Variants in TTBK2 observed in about 807,000 individuals in gnomAD.
TTBK2 encodes tau-tubulin kinase 2.
In TTBK2, 28 loss-of-function variants were observed where a neutral mutation model predicts 110.8. The observed-to-expected ratio is 0.25, with a 90% CI of 0.19 to 0.35. The LOEUF is 0.35. TTBK2 is among the 10% of genes least tolerant of loss of function. TTBK2 has a pLI of 1.00. For missense variants in TTBK2, 1,369 were observed against 1,500.3 expected (o/e 0.91, Z 1.45); for synonymous variants, 532 against 527.3 (o/e 1.01, Z -0.12).
At chr15:42,772,717 T>C (rs1013865193) in intron 13 of TTBK2, among the ~76,000 whole-genome samples, 17 of 151,812 alleles carry the variant, frequency 1.1e-4, no homozygotes, top group Admixed American at 5.9e-4. Flanking sequence ...CAGGCTGAGG[T>C]AGGAGAATCT....
intron 7 of TTBK2, among the ~76,000 whole-genome samples, chr15:42,815,349 G>A (rs1891893871): frequency 6.6e-6 from 1 of 151,486 alleles, no homozygotes; most frequent in Admixed American, 6.6e-5. Flanking sequence ...TAGCATTTAA[G>A]ACCACAGTAT....
chr15:42,910,864 T>A (rs984516892), intron 1 of TTBK2, among the ~76,000 whole-genome samples: 1 of 151,822 alleles, frequency 6.6e-6, no homozygotes, highest in Non-Finnish European at 1.5e-5. Flanking sequence ...GCCAACATGG[T>A]GAAACCCTGT....
At chr15:42,770,822 T>C (rs933625618) in intron 13 of TTBK2, among the ~76,000 whole-genome samples, 2 of 152,172 alleles carry the variant, frequency 1.3e-5, no homozygotes, top group Non-Finnish European at 2.9e-5. Flanking sequence ...AGCACACCTC[T>C]ATTAATACAC....
At chr15:42,800,329 T>C (rs1337879776) in intron 9 of TTBK2, 3 of 436,196 alleles carry the variant, frequency 6.9e-6, no homozygotes, top group Non-Finnish European at 1.4e-5. Flanking sequence ...CTACCTAAAA[T>C]ACCCTTATTC....
intron 14 of TTBK2, among the ~76,000 whole-genome samples, chr15:42,749,753 G>A (rs563856933): frequency 6.6e-5 from 10 of 151,910 alleles, no homozygotes; most frequent in South Asian, 4.2e-4. Context: ...TCCCTTCTTC[G>A]GAGCCAGATA....
At chr15:42,891,510 A>G (rs1347455389) in intron 1 of TTBK2, among the ~76,000 whole-genome samples, 1 of 151,394 alleles carries the variant, frequency 6.6e-6, no homozygotes, top group Non-Finnish European at 1.5e-5. Flanking sequence ...TAAATCTTAA[A>G]TTCAGCTGGA....
intron 9 of TTBK2, among the ~76,000 whole-genome samples, chr15:42,808,474 T>C (rs981794643): frequency 6.6e-6 from 1 of 152,200 alleles, no homozygotes; most frequent in Non-Finnish European, 1.5e-5. Flanking sequence ...ATATTTAATA[T>C]GGATATGCTT....
In TTBK2 at chr15:42,745,493, CCTCAA is replaced by C; in HGVS notation, c.*297_*301del. On this transcript the variant is annotated 3_prime_UTR_variant, in exon 15 of 15. Transcript: ENST00000267890. ...CCTAAAATTCCATTCTATCTCCTAT[CCTCAA>C]CTCTTTTGTTTCAAAGGCAGCTTAA... 1 of 408,102 alleles carries C rather than the reference CCTCAA, an allele frequency of 2.5e-6. No homozygotes were observed. The highest frequency in any genetic ancestry group is 4.5e-6 in the Non-Finnish European group (1 of 220,588). The allele number at this position is 408,102 out of a possible 1,614,324, so 25.3% of individuals were successfully genotyped here. A position where few individuals can be genotyped will look rare whatever the true frequency, so the allele number is the denominator to read the frequency against.
chr15:42,746,376 T>C (rs1839688646), intron 14 of TTBK2, 119 bp from the exon 15 acceptor site: 1 of 783,950 alleles, frequency 1.3e-6, no homozygotes, highest in Admixed American at 2.4e-5. Flanking sequence ...ACTAACAGGA[T>C]ACAGGGTTAC....
chr15:42,858,802 C>G (rs1405021105), intron 3 of TTBK2, among the ~76,000 whole-genome samples: 2 of 152,120 alleles, frequency 1.3e-5, no homozygotes, highest in African/African-American at 4.8e-5. Context: ...TGTCAACAAG[C>G]CCAATACTTT....
chr15:42,840,827 T>C (rs1248784667), intron 3 of TTBK2, among the ~76,000 whole-genome samples: 2 of 152,226 alleles, frequency 1.3e-5, no homozygotes, highest in Non-Finnish European at 2.9e-5. Context: ...AGATATGTTA[T>C]GGTACTCATT....
rs1408185942 is a variant in TTBK2, at chr15:42,740,823, G to A, written c.*4972C>T. 6.6e-6 allele frequency: 1 copy of A among 152,252 alleles called. No homozygotes were observed. The highest frequency in any genetic ancestry group is 1.5e-5 in the Non-Finnish European group (1 of 68,098). 9.4% of individuals were successfully genotyped at this position (152,252 alleles called of 1,614,324 possible). ...GCCCGCCTCAGCCTCCCAAAGAGCT[G>A]GGATTACAGGCATGAGCCACTGCGC... is the stretch of plus-strand genomic sequence containing the variant. On this transcript the variant is annotated 3_prime_UTR_variant, in exon 15 of 15. Transcript: ENST00000267890.
At chr15:42,789,679 A>G (rs1890561217) in intron 10 of TTBK2, among the ~76,000 whole-genome samples, 1 of 152,204 alleles carries the variant, frequency 6.6e-6, no homozygotes, top group Non-Finnish European at 1.5e-5. Flanking sequence ...GGTTGCAGTG[A>G]GCAGAGATCA....
intron 3 of TTBK2, among the ~76,000 whole-genome samples, chr15:42,843,738 G>A (rs1031600784): frequency 1.9e-4 from 24 of 127,272 alleles, no homozygotes; most frequent in East Asian, 6.7e-4. Flanking sequence ...CAGCCTGGGC[G>A]ACAGAGAGAG....
chr15:42,762,724 T>A (rs1410294193), intron 13 of TTBK2, among the ~76,000 whole-genome samples: 7 of 150,968 alleles, frequency 4.6e-5, no homozygotes, highest in South Asian at 4.2e-4. Context: ...TCTCAAAAAA[T>A]AAATAAATAA....
At chr15:42,823,481 A>G (rs1234511597) in intron 6 of TTBK2, among the ~76,000 whole-genome samples, 1 of 152,210 alleles carries the variant, frequency 6.6e-6, no homozygotes, top group Non-Finnish European at 1.5e-5. Context: ...GGTATAACAG[A>G]TACACTCCAT....
rs369978055 is a variant in TTBK2, at chr15:42,752,613, A to G, written c.2633T>C (p.Ile878Thr). The G allele has an allele frequency of 1.9e-6, 3 of 1,614,040 alleles. No individual in the cohort carries two copies. Among genetic ancestry groups the G allele is most frequent in the Non-Finnish European group, 2.5e-6 (3 of 1,180,036 alleles). Reference protein sequence around the residue: ...GQVAEMQKNKISKDDDIMSED... With the variant: ...GQVAEMQKNKTSKDDDIMSED... ...ACTCATGATGTCATCATCCTTAGAT[A>G]TCTTATTTTTTTGCATTTCTGCCAC... Residue 878 changes from isoleucine to threonine, a missense_variant, in exon 14 of 15, where the codon ATA (isoleucine) becomes ACA (threonine). Ile to Thr is a moderately conservative substitution (Grantham distance 89). Around this residue, in one of 4 missense-constraint regions of TTBK2, gnomAD observed 1,097 missense variants for 1,114.7 expected, o/e 0.98. Transcript: ENST00000267890.
chr15:42,858,763 T>C (rs977902995), intron 3 of TTBK2, among the ~76,000 whole-genome samples: 3 of 152,142 alleles, frequency 2.0e-5, no homozygotes, highest in Admixed American at 1.3e-4. Context: ...AAAACCTGAA[T>C]TGCAACTGAC....
Position 42,799,107 on chromosome 15 carries a change from G to C in TTBK2, c.823-4306C>G, listed in dbSNP as rs367816778. On this transcript the variant is annotated intron_variant, in intron 9 of 14. Transcript: ENST00000267890. ...GAAATCCACTGGGCGCGGTGGCTCA[G>C]GCCTGTTATTCTAGCACTTTGGGAG... is the stretch of plus-strand genomic sequence containing the variant. 5.9e-5 allele frequency among the ~76,000 whole-genome samples: 9 copies of C among 152,128 alleles called. No individual in the cohort carries two copies. In the East Asian group the frequency reaches 1.4e-3, roughly 23 times the overall value.
Sources: gnomAD v4.1 joint callset for allele counts (sites outside exome capture counted in the v4.1 genomes callset) on GRCh38, gnomAD v4.1.1 for gene constraint, gnomAD v4.1.1 regional missense constraint, MANE v1.5 for transcripts, NCBI Gene and HGNC (gene_info 2026-07-23, HGNC 2026-07-21) for gene names.